Variants in WDR70 observed in about 807,000 individuals in gnomAD.
WDR70 encodes the protein WD repeat-containing protein 70.
WDR70 carries 53 observed loss-of-function variants against 88.6 expected under a neutral mutation model. The ratio of observed to expected loss-of-function variants is 0.60; its 90% CI spans 0.48 to 0.75. WDR70 has a LOEUF of 0.75. Ranked by LOEUF, WDR70 falls within the 30% of genes least tolerant of loss-of-function variation. The pLI, the probability that WDR70 is intolerant of heterozygous loss-of-function variation, is 0.00. For missense variants in WDR70, 610 were observed against 823.2 expected (o/e 0.74, Z 3.17); for synonymous variants, 280 against 270.0 (o/e 1.04, Z -0.36).
At chr5:37,452,769 C>T (rs1738714624) in intron 7 of WDR70, among the ~76,000 whole-genome samples, 1 of 152,186 alleles carries the variant, frequency 6.6e-6, no homozygotes, top group African/African-American at 2.4e-5. Context: ...ACCATCTCCT[C>T]ACCTGGAATA....
intron 8 of WDR70, among the ~76,000 whole-genome samples, chr5:37,503,972 T>C (rs1477180721): frequency 1.3e-5 from 2 of 152,228 alleles, no homozygotes; most frequent in East Asian, 3.8e-4. Context: ...TAATGTCTTC[T>C]GGATTCTGTT....
At chr5:37,494,915 G>A (rs1194831522) in intron 8 of WDR70, among the ~76,000 whole-genome samples, 2 of 152,238 alleles carry the variant, frequency 1.3e-5, no homozygotes, top group African/African-American at 4.8e-5. Context: ...GGCAAACCAT[G>A]GCCTTGGGGC....
At chr5:37,604,743 T>C (rs1320922028) in intron 9 of WDR70, among the ~76,000 whole-genome samples, 1 of 152,234 alleles carries the variant, frequency 6.6e-6, no homozygotes, top group African/African-American at 2.4e-5. Flanking sequence ...GCAGTTTGGC[T>C]GATCAGGGGT....
intron 10 of WDR70, among the ~76,000 whole-genome samples, chr5:37,677,819 G>A (rs1203019774): frequency 6.6e-6 from 1 of 152,166 alleles, no homozygotes; most frequent in African/African-American, 2.4e-5. Context: ...TCTGTCTAAT[G>A]TTGACAGTGG....
At chr5:37,505,841 G>C (rs1427449850) in intron 8 of WDR70, 1 of 1,370,162 alleles carries the variant, frequency 7.3e-7, no homozygotes, top group African/African-American at 1.4e-5. Context: ...CTCCTCTGAG[G>C]TTACAATTCT....
intron 9 of WDR70, among the ~76,000 whole-genome samples, chr5:37,526,694 G>T (rs201456615): frequency 1.3e-5 from 2 of 152,010 alleles, no homozygotes; most frequent in Non-Finnish European, 2.9e-5. Flanking sequence ...AGTCAAATTG[G>T]CCCTGTTTGC....
At chr5:37,500,058 A>G (rs1473253785) in intron 8 of WDR70, among the ~76,000 whole-genome samples, 1 of 152,184 alleles carries the variant, frequency 6.6e-6, no homozygotes, top group Non-Finnish European at 1.5e-5. Context: ...AGTAGTGTAC[A>G]TTGTGTTCAA....
At chr5:37,648,247 C>T (rs1745295959) in intron 10 of WDR70, among the ~76,000 whole-genome samples, 1 of 152,134 alleles carries the variant, frequency 6.6e-6, no homozygotes, top group African/African-American at 2.4e-5. Flanking sequence ...TTATGGGATG[C>T]TTCAAGATAG....
chr5:37,490,059 T>C (rs1020247915), intron 8 of WDR70, among the ~76,000 whole-genome samples: 3 of 152,088 alleles, frequency 2.0e-5, no homozygotes, highest in African/African-American at 7.2e-5. Context: ...GATGGCGTGC[T>C]ATGGTGCGGC....
chr5:37,494,351 C>T (rs1018128241), intron 8 of WDR70, among the ~76,000 whole-genome samples: 37 of 152,114 alleles, frequency 2.4e-4, no homozygotes, highest in African/African-American at 8.5e-4. Flanking sequence ...GGAAGTATTA[C>T]GGGCTACAAA....
At chr5:37,477,148 T>C (rs1282714978) in intron 7 of WDR70, among the ~76,000 whole-genome samples, 1 of 152,230 alleles carries the variant, frequency 6.6e-6, no homozygotes, top group Admixed American at 6.5e-5. Context: ...TTGTATATTC[T>C]CCCTTTCTGT....
At chr5:37,659,914 G>A (rs1464367670) in intron 10 of WDR70, among the ~76,000 whole-genome samples, 1 of 152,260 alleles carries the variant, frequency 6.6e-6, no homozygotes, top group Middle Eastern at 3.4e-3. Flanking sequence ...TGAATTTTGG[G>A]TGGCACAAGC....
At chr5:37,531,970 C>A (rs1394120612) in intron 9 of WDR70, among the ~76,000 whole-genome samples, 2 of 152,142 alleles carry the variant, frequency 1.3e-5, no homozygotes, top group Admixed American at 6.5e-5. Context: ...CGAATTCTCT[C>A]AGCATTTTTT....
At chr5:37,385,115 G>A (rs1298195570) in intron 3 of WDR70, among the ~76,000 whole-genome samples, 4 of 152,126 alleles carry the variant, frequency 2.6e-5, no homozygotes, top group African/African-American at 9.7e-5. Context: ...AATGCACTGG[G>A]CAAGGTATGG....
chr5:37,392,239 A>C, intron 4 of WDR70, 119 bp downstream of exon 4: 1 of 1,163,444 alleles, frequency 8.6e-7, no homozygotes, highest in Non-Finnish European at 1.2e-6. Context: ...TCTGCAGTGC[A>C]GTGGCGTGAT....
intron 9 of WDR70, among the ~76,000 whole-genome samples, chr5:37,527,245 ACAGTAATCAAAT>A (rs1741312040): frequency 6.6e-6 from 1 of 152,248 alleles, no homozygotes; most frequent in South Asian, 2.1e-4. Context: ...CTACAAGGCC[ACAGTAATCAAAT>A]CAGCATGGTA....
chr5:37,588,132 T>G (rs1245543044), intron 9 of WDR70, among the ~76,000 whole-genome samples: 1 of 152,138 alleles, frequency 6.6e-6, no homozygotes, highest in Non-Finnish European at 1.5e-5. Flanking sequence ...AGATAGATAC[T>G]AAGACATATA....
chr5:37,513,785 G>C (rs868411685), intron 8 of WDR70, among the ~76,000 whole-genome samples: 1 of 152,046 alleles, frequency 6.6e-6, no homozygotes, highest in Non-Finnish European at 1.5e-5. Flanking sequence ...TATTCTAGCC[G>C]AGCTGGCAGC....
At chr5:37,542,430 C>T (rs765767489) in intron 9 of WDR70, among the ~76,000 whole-genome samples, 6 of 151,964 alleles carry the variant, frequency 3.9e-5, no homozygotes, top group Non-Finnish European at 8.8e-5. Flanking sequence ...CAGGCATGCA[C>T]CACCATGCCC....
Sources: gnomAD v4.1 joint callset for allele counts (sites outside exome capture counted in the v4.1 genomes callset) on GRCh38, gnomAD v4.1.1 for gene constraint, MANE v1.5 for transcripts, NCBI Gene and HGNC (gene_info 2026-07-23, HGNC 2026-07-21) for gene names.